The following MCRS1 variants were observed in gnomAD, a reference collection of about 807,000 sequenced individuals.
MCRS1 encodes 58 kDa microspherule protein.
A neutral mutation model predicts 62.9 loss-of-function variants in MCRS1; 22 were observed. The ratio of observed to expected loss-of-function variants is 0.35; its 90% CI spans 0.25 to 0.50. MCRS1 has a LOEUF of 0.50. Ranked by LOEUF, MCRS1 falls within the 20% of genes least tolerant of loss-of-function variation. The pLI is 0.98. For missense variants in MCRS1, 456 were observed against 601.1 expected, an observed-to-expected ratio of 0.76 and a Z score of 2.52; for synonymous variants, 244 against 233.5, an observed-to-expected ratio of 1.04 and a Z score of -0.41.
At chr12:49,563,301 C>A (rs918072446) in intron 7 of MCRS1, 137 bp downstream of exon 7, 37 of 1,368,138 alleles carry the variant, frequency 2.7e-5, no homozygotes, top group Non-Finnish European at 3.3e-5. Context: ...CTGTCACAAA[C>A]GCCCCTGCCA....
chr12:49,558,709 G>C lies in MCRS1; in HGVS notation c.1323C>G (p.Val441=). The C allele has an allele frequency of 6.2e-7, 1 of 1,613,996 alleles. No homozygotes were observed. Reference sequence around the variant, plus strand: ...CAATGAGGTCCTGGTTGATAAGGAAGACGAATCGCAGGCTGGCGATCTGGG... The same window carrying C: ...CAATGAGGTCCTGGTTGATAAGGAACACGAATCGCAGGCTGGCGATCTGGG... ...SVVEIASLRF[V]FLINQDLIAL... is the part of the protein sequence containing the mutation. The change falls in exon 15 of 15, where the codon GTC becomes GTG. Residue 441 remains valine (V), a synonymous_variant. Transcript: ENST00000343810.
intron 4 of MCRS1, 33 bp from the exon 5 acceptor site, chr12:49,564,928 A>G (rs867433308): frequency 2.0e-6 from 3 of 1,529,278 alleles, no homozygotes; most frequent in Non-Finnish European, 2.6e-6. Context: ...CCAAGCTCAA[A>G]GCCAGCATCC....
At chr12:49,565,369 G>A in intron 4 of MCRS1, 160 bp downstream of exon 4, 3 of 985,428 alleles carry the variant, frequency 3.0e-6, no homozygotes, top group South Asian at 4.7e-5. Flanking sequence ...GGGGAGTAGG[G>A]AGAGGTGTGT....
In MCRS1 at chr12:49,563,508, G is replaced by A. The variant is rs1296539881; in HGVS notation, c.596C>T (p.Ala199Val). 1 of 1,611,772 alleles carries A rather than the reference G, an allele frequency of 6.2e-7. No individual in the cohort carries two copies. Among genetic ancestry groups the A allele is most frequent in the African/African-American group, 1.3e-5 (1 of 74,916 alleles). The change falls in exon 7 of 15, where the codon GCT becomes GTT. Residue 199 changes from alanine to valine, a missense_variant. By Grantham distance (64) the Ala-to-Val change is moderately conservative. Around this residue, in one of 3 missense-constraint regions of MCRS1, gnomAD observed 393 missense variants for 523.5 expected, o/e 0.75. Coordinates refer to ENST00000343810, the MANE Select transcript of MCRS1 (RefSeq NM_006337.5). ...CQAMRQLHPE[A>V]IAAIQSKALF... is the part of the protein sequence containing the mutation. ...GGCCTTGCTCTGGATGGCTGCAATA[G>A]CCTCTGGGTGCAGCTGCCTCATGGC... is the stretch of plus-strand genomic sequence containing the variant.
rs752393849 is a variant in MCRS1 at position 49,559,569 on chromosome 12, CT to C, written c.1004-35del. ...AGAGGGAGTTTGGAAGAGCCTACCC[CT>C]GAGGGCCAGAATGCAAGGCAGGGAA... On this transcript the variant is annotated intron_variant, in intron 11 of 14. Coordinates refer to ENST00000343810, the MANE Select transcript of MCRS1 (RefSeq NM_006337.5). The surrounding 1 kb of genome is among the most constrained non-coding windows in gnomAD (Gnocchi z 5.2). 1.7e-5 allele frequency: 27 copies of C among 1,605,896 alleles called. No individual in the cohort carries two copies. The highest frequency in any genetic ancestry group is 2.1e-5 in the Non-Finnish European group (25 of 1,178,750).
rs1421883683 is a variant in MCRS1, at chr12:49,563,449, T to C, written c.655A>G (p.Lys219Glu). Residue 219 changes from lysine to glutamate, a missense_variant, in exon 7 of 15, where the codon AAA (lysine) becomes GAA (glutamate). Lys to Glu is a moderately conservative substitution (Grantham distance 56, BLOSUM62 1). This residue lies in a region of MCRS1 where 393 missense variants were observed against 523.5 expected (regional missense o/e 0.75). Coordinates refer to ENST00000343810, the MANE Select transcript of MCRS1 (RefSeq NM_006337.5). ...GCCCTCAGCCTTACCGATCCCACTT[T>C]GCTCAGCAGCTGCTCCTCAGCCTTG... ...FSKAEEQLLS[K>E]VGSTSQPTLE... The C allele has an allele frequency of 6.2e-7, 1 of 1,612,342 alleles. No homozygotes were observed. Among genetic ancestry groups the C allele is most frequent in the Admixed American group, 1.7e-5 (1 of 59,876 alleles).
chr12:49,560,477 G>A, intron 8 of MCRS1, 107 bp from the exon 9 acceptor site: 2 of 986,608 alleles, frequency 2.0e-6, no homozygotes, highest in South Asian at 1.3e-5. Flanking sequence ...TGGGTGGAGA[G>A]CCCAGCACCA....
In MCRS1 at chr12:49,559,739, G is replaced by A; in HGVS notation, c.993C>T (p.Asp331=). Residue 331 remains aspartate, a synonymous_variant, in exon 11 of 15, where the codon GAC becomes GAT. Transcript: ENST00000343810. The surrounding 1 kb of genome is among the most constrained non-coding windows in gnomAD (Gnocchi z 5.2). ...CCCAGGCCTCCTCACCTGTGATGCT[G>A]TCCACTAGCACCTGCCACTTATGCA... ...QELHKWQVLV[D]SITGMSSPDF... The A allele has an allele frequency of 6.2e-7, 1 of 1,614,174 alleles. No individual in the cohort carries two copies. Among genetic ancestry groups the A allele is most frequent in the Middle Eastern group, 1.7e-4 (1 of 6,052 alleles).
At position 49,558,397 on chromosome 12, in the gene MCRS1, G is replaced by A. The variant is rs1592517245; in HGVS notation, c.*246C>T. 3.2e-5 allele frequency: 17 copies of A among 530,366 alleles called. No individual in the cohort carries two copies. In the East Asian group the frequency reaches 4.7e-4, roughly 15 times the overall value. 32.9% of individuals were successfully genotyped at this position (530,366 alleles called of 1,614,324 possible). ...GACACAGGAGTGAAGGTGGCAATGG[G>A]GGGTAGGGTTGTTTTTAGAGAGAGG... On this transcript the variant is annotated 3_prime_UTR_variant, in exon 15 of 15. Transcript: ENST00000343810.
At position 49,564,472 on chromosome 12, in the gene MCRS1, C is replaced by G. The variant is rs1286700650; in HGVS notation, c.557+9G>C. On this transcript the variant is annotated intron_variant, in intron 6 of 14. Transcript: ENST00000343810. ...TACCTCCCCACTGCTGGAACCAGCT[C>G]CCACTCACTTGGAGATGACAGGATC... 6.2e-7 allele frequency: 1 copy of G among 1,606,780 alleles called. No individual in the cohort carries two copies. Among genetic ancestry groups the G allele is most frequent in the Non-Finnish European group, 8.5e-7 (1 of 1,174,788 alleles).
chr12:49,564,866 T>A lies in MCRS1; in HGVS notation c.318A>T (p.Pro106=), dbSNP rs771911241. ...GTCCAGGGGCTGGGGCTGGGCTGGG[T>A]GGCACAGGAGTGCTGGGGGCTTTGG... is the stretch of plus-strand genomic sequence containing the variant. The part of the protein sequence containing the change: ...KVSKAPSTPV[P]PSPAPAPGLT... The change falls in exon 5 of 15, where the codon CCA becomes CCT. Residue 106 remains proline (P), a synonymous_variant. Transcript: ENST00000343810. 1.9e-6 allele frequency: 3 copies of A among 1,611,188 alleles called. No individual in the cohort carries two copies. The East Asian group carries it at 6.7e-5, about 36-fold the overall frequency.
intron 1 of MCRS1, among the ~76,000 whole-genome samples, chr12:49,567,466 C>T (rs1347505768): frequency 6.6e-6 from 1 of 152,080 alleles, no homozygotes; most frequent in Admixed American, 6.5e-5. Context: ...CGGGGCGCTC[C>T]TCTCGTGAGT....
chr12:49,566,682 G>C (rs1356716842), intron 2 of MCRS1, 40 bp downstream of exon 2: 1 of 1,613,630 alleles, frequency 6.2e-7, no homozygotes, highest in Non-Finnish European at 8.5e-7. Flanking sequence ...CAGATGCTTG[G>C]CGCCCGAGCA....
Position 49,559,119 on chromosome 12 carries a change from C to G in MCRS1, c.1174+95G>C. 6.5e-7 allele frequency: 1 copy of G among 1,527,764 alleles called. No homozygotes were observed. The highest frequency in any genetic ancestry group is 9.0e-7 in the Non-Finnish European group (1 of 1,112,116). 94.6% of individuals were successfully genotyped at this position (1,527,764 alleles called of 1,614,324 possible). A position where few individuals can be genotyped will look rare whatever the true frequency, so the allele number is the denominator to read the frequency against. On this transcript the variant is annotated intron_variant, in intron 13 of 14. Transcript: ENST00000343810. The surrounding 1 kb of genome is among the most constrained non-coding windows in gnomAD (Gnocchi z 5.2). ...CTGCCTCAGGTGGTCCACGAGGGTC[C>G]CCATGGACACCAAGCCCAGGGCTAG...
Position 49,560,369 on chromosome 12 carries a change from C to T in MCRS1, c.807G>A (p.Val269=). 2 of 1,614,194 alleles carry T rather than the reference C, an allele frequency of 1.2e-6. No individual in the cohort carries two copies. The highest frequency in any genetic ancestry group is 2.2e-5 in the South Asian group (2 of 91,092). Residue 269 remains valine (V), a splice_region_variant and synonymous_variant, in exon 9 of 15, where the codon GTG becomes GTA. Coordinates refer to ENST00000343810, the MANE Select transcript of MCRS1 (RefSeq NM_006337.5). ...CTTGGTCCCCTTTGGGCAGCGGCTG[C>T]ACTGAACAAAGGACAGAGAAAGCGT... is the stretch of plus-strand genomic sequence containing the variant. The part of the protein sequence containing the change: ...KQYYLLEDQT[V]QPLPKGDQVL...
intron 8 of MCRS1, among the ~76,000 whole-genome samples, 162 bp downstream of exon 8, chr12:49,562,831 ACTTTCTCT>A (rs1301009200): frequency 6.6e-6 from 1 of 152,252 alleles, no homozygotes; most frequent in African/African-American, 2.4e-5. Context: ...CATTCCAGCC[ACTTTCTCT>A]CTCTGGAAAG....
At chr12:49,561,456 G>A (rs917098506) in intron 8 of MCRS1, among the ~76,000 whole-genome samples, 2 of 152,136 alleles carry the variant, frequency 1.3e-5, no homozygotes, top group South Asian at 2.1e-4. Context: ...CTCATCTTCC[G>A]CTGACTTGAC....
Position 49,564,507 on chromosome 12 carries a change from G to C in MCRS1, c.531C>G (p.Ala177=). The change falls in exon 6 of 15, where the codon GCC becomes GCG. Residue 177 remains alanine (A), a synonymous_variant. Coordinates refer to ENST00000343810, the MANE Select transcript of MCRS1 (RefSeq NM_006337.5). The part of the protein sequence containing the change: ...TLREVQERWY[A]LLYDPVISKL... ...TGGAGATGACAGGATCGTAGAGCAG[G>C]GCGTACCAACGCTCCTGGACCTCCC... is the stretch of plus-strand genomic sequence containing the variant. 5 of 1,613,312 alleles carry C rather than the reference G, an allele frequency of 3.1e-6. No individual in the cohort carries two copies. The highest frequency in any genetic ancestry group is 4.2e-6 in the Non-Finnish European group (5 of 1,179,602).
chr12:49,562,206 A>G (rs975982365), intron 8 of MCRS1, among the ~76,000 whole-genome samples: 1 of 152,362 alleles, frequency 6.6e-6, no homozygotes, highest in Non-Finnish European at 1.5e-5. Context: ...ATGGGTACCA[A>G]TGAAGCTTCA....
Sources: allele counts gnomAD v4.1 joint callset (sites outside exome capture counted in the v4.1 genomes callset), GRCh38; gene constraint gnomAD v4.1.1; regional missense constraint gnomAD v4.1.1; non-coding constraint Gnocchi (gnomAD v3.1); transcripts MANE v1.5; gene names NCBI Gene and HGNC (gene_info 2026-07-23, HGNC 2026-07-21).